Variants in ASCC3 observed in about 807,000 individuals in gnomAD.
ASCC3 encodes the protein activating signal cointegrator 1 complex subunit 3, also known as ASC-1 complex subunit P200.
Under a neutral mutation model 256.3 loss-of-function variants are expected in ASCC3, and 158 were observed. That is an observed-to-expected ratio of 0.62 (90% CI 0.54 to 0.70). The LOEUF is 0.70. Among genes scored for constraint, ASCC3 ranks in the 30% least tolerant of loss-of-function variants. The pLI is 0.00. For missense variants in ASCC3, 2,259 were observed against 2,626.0 expected (o/e 0.86, Z 3.05); for synonymous variants, 948 against 883.4 (o/e 1.07, Z -1.30).
chr6:100,593,678 G>C (rs1772122447), intron 34 of ASCC3, among the ~76,000 whole-genome samples: 1 of 152,038 alleles, frequency 6.6e-6, no homozygotes, highest in Admixed American at 6.6e-5. Flanking sequence ...ATAACTGTCA[G>C]TAGTGGGAAG....
At chr6:100,879,806 A>C (rs1769200232) in intron 1 of ASCC3, among the ~76,000 whole-genome samples, 1 of 152,244 alleles carries the variant, frequency 6.6e-6, no homozygotes, top group Non-Finnish European at 1.5e-5. Context: ...GGCAATATCA[A>C]ATCATGCTGT....
rs193118134 is a variant in ASCC3, at chr6:100,869,397, C to A, written c.-41-1359G>T. On this transcript the variant is annotated intron_variant, in intron 1 of 41. Coordinates refer to ENST00000369162, the MANE Select transcript of ASCC3 (RefSeq NM_006828.4). ...GGGTAATACTTGGAAAAATCTATGA[C>A]CTATATATTAGAATAATCAGATACA... Among the ~76,000 whole-genome samples the A allele has an allele frequency of 2.7e-4, 41 of 152,166 alleles. 1 individual carries two copies. The highest frequency in any genetic ancestry group is 6.5e-4 in the African/African-American group (27 of 41,520).
intron 1 of ASCC3, among the ~76,000 whole-genome samples, chr6:100,868,706 C>T (rs1004564252): frequency 1.3e-5 from 2 of 151,984 alleles, no homozygotes; most frequent in Non-Finnish European, 2.9e-5. Flanking sequence ...GACAACAGAA[C>T]CAGAATATTT....
chr6:100,680,356 A>C (rs1201333158), intron 13 of ASCC3, among the ~76,000 whole-genome samples: 1 of 152,120 alleles, frequency 6.6e-6, no homozygotes, highest in African/African-American at 2.4e-5. Context: ...GTGGGGAAAA[A>C]ATGCATCTTC....
Position 100,725,675 on chromosome 6 carries a change from T to A in ASCC3, c.1766A>T (p.Asp589Val). 2 of 1,612,608 alleles carry A rather than the reference T, an allele frequency of 1.2e-6. No homozygotes were observed. The highest frequency in any genetic ancestry group is 1.7e-6 in the Non-Finnish European group (2 of 1,179,010). The change falls in exon 11 of 42, where the codon GAT becomes GTT. Residue 589 changes from aspartate (D) to valine (V), a missense_variant. Transcript: ENST00000369162. ...QMLVTTPEKW[D>V]VVTRKSVGDV... The stretch of plus-strand genomic sequence containing the variant: ...CCCAACACTCTTTCTTGTCACTACA[T>A]CCCATTTTTCTGGTGTGGTCACAAG...
intron 25 of ASCC3, among the ~76,000 whole-genome samples, chr6:100,635,489 AATGAAT>A (rs1774798112): frequency 6.6e-6 from 1 of 152,148 alleles, no homozygotes; most frequent in African/African-American, 2.4e-5. Flanking sequence ...ATTTATGATG[AATGAAT>A]AAGTACTAGA....
In ASCC3 at chr6:100,867,992, A is replaced by C. The variant is rs2114555943; in HGVS notation, c.6T>G (p.Ala2=). 1 of 1,611,948 alleles carries C rather than the reference A, an allele frequency of 6.2e-7. No homozygotes were observed. The highest frequency in any genetic ancestry group is 8.5e-7 in the Non-Finnish European group (1 of 1,178,198). M[A]LPRLTGALRS... ...GCAAGGCTCCTGTGAGACGAGGTAA[A>C]GCCATCTATTATTCAATCAGTGATC... Residue 2 remains alanine (A), a synonymous_variant, in exon 2 of 42, where the codon GCT becomes GCG. Transcript: ENST00000369162.
intron 37 of ASCC3, among the ~76,000 whole-genome samples, chr6:100,533,393 T>C (rs1218542725): frequency 3.3e-5 from 5 of 152,226 alleles, no homozygotes; most frequent in Non-Finnish European, 5.9e-5. Context: ...GAAAAGAATA[T>C]TGCTGCTAGA....
At chr6:100,853,007 A>G (rs1390004958) in intron 3 of ASCC3, among the ~76,000 whole-genome samples, 1 of 152,138 alleles carries the variant, frequency 6.6e-6, no homozygotes. Context: ...AAAAAAGTCA[A>G]AAGTGAAAGA....
intron 37 of ASCC3, among the ~76,000 whole-genome samples, chr6:100,520,650 T>C (rs919075947): frequency 2.6e-5 from 4 of 152,168 alleles, no homozygotes; most frequent in Non-Finnish European, 5.9e-5. Context: ...TACAACCATA[T>C]ACTCTGTAAC....
intron 4 of ASCC3, among the ~76,000 whole-genome samples, chr6:100,819,585 G>A (rs1487093845): frequency 6.6e-6 from 1 of 151,994 alleles, no homozygotes; most frequent in Non-Finnish European, 1.5e-5. Flanking sequence ...CAAGCCACTG[G>A]TGTAAATCCA....
intron 4 of ASCC3, among the ~76,000 whole-genome samples, chr6:100,838,784 T>C (rs903492203): frequency 2.0e-5 from 3 of 152,084 alleles, no homozygotes; most frequent in Non-Finnish European, 2.9e-5. Flanking sequence ...CCTTGATTCT[T>C]AGAAGGATAT....
intron 36 of ASCC3, among the ~76,000 whole-genome samples, chr6:100,546,701 T>C (rs986642327): frequency 3.3e-5 from 5 of 152,192 alleles, no homozygotes; most frequent in East Asian, 1.9e-4. Context: ...AGTTTATTTA[T>C]AGTTATCATA....
intron 37 of ASCC3, among the ~76,000 whole-genome samples, chr6:100,525,141 A>C (rs1774503773): frequency 8.5e-6 from 1 of 117,484 alleles, no homozygotes; most frequent in Non-Finnish European, 1.7e-5. Flanking sequence ...TGGGTGACAG[A>C]GTGAGACCCT....
intron 13 of ASCC3, among the ~76,000 whole-genome samples, chr6:100,692,710 T>C (rs1336244790): frequency 1.3e-5 from 2 of 152,062 alleles, no homozygotes; most frequent in Non-Finnish European, 2.9e-5. Flanking sequence ...GGAAAAAACT[T>C]TGAAATGGAA....
chr6:100,829,519 G>A (rs1230043503), intron 4 of ASCC3, among the ~76,000 whole-genome samples: 3 of 152,084 alleles, frequency 2.0e-5, no homozygotes, highest in Non-Finnish European at 4.4e-5. Context: ...CATGGAATTC[G>A]CACTGGCCCG....
At chr6:100,575,930 T>C (rs1244850090) in intron 36 of ASCC3, among the ~76,000 whole-genome samples, 1 of 152,112 alleles carries the variant, frequency 6.6e-6, no homozygotes, top group Non-Finnish European at 1.5e-5. Context: ...TTTGCCACGA[T>C]GACAGGCACT....
chr6:100,650,628 A>T lies in ASCC3; in HGVS notation c.3162T>A (p.Tyr1054Ter), dbSNP rs1052507089. 6.2e-7 allele frequency: 1 copy of T among 1,612,726 alleles called. No individual in the cohort carries two copies. Among genetic ancestry groups the T allele is most frequent in the African/African-American group, 1.3e-5 (1 of 74,852 alleles). ...LSTPGGVENS[Y>*]GKINILLQTY... The stretch of plus-strand genomic sequence containing the variant: ...TTTGAAGTAAGATGTTTATTTTCCC[A>T]TAACTATTCTCTACACCTCCAGGAG... The change falls in exon 20 of 42, where the codon TAT (tyrosine) becomes TAA (stop). Residue 1054 changes from tyrosine (Y) to a stop codon, truncating the protein, a stop_gained. Transcript: ENST00000369162. LOFTEE classifies it high-confidence loss of function.
At chr6:100,796,234 A>C (rs939231925) in intron 8 of ASCC3, among the ~76,000 whole-genome samples, 1 of 152,284 alleles carries the variant, frequency 6.6e-6, no homozygotes, top group South Asian at 2.1e-4. Context: ...ACTATATCGA[A>C]TTGCTCATGG....
Sources: gnomAD v4.1 joint callset for allele counts (sites outside exome capture counted in the v4.1 genomes callset) on GRCh38, gnomAD v4.1.1 for gene constraint, MANE v1.5 for transcripts, NCBI Gene and HGNC (gene_info 2026-07-23, HGNC 2026-07-21) for gene names.